INTS4: variants seen among roughly 807,000 people sequenced by gnomAD.
INTS4 encodes integrator complex subunit 4.
In INTS4, 70 loss-of-function variants were observed where a neutral mutation model predicts 119.5. The ratio of observed to expected loss-of-function variants is 0.59; its 90% CI spans 0.48 to 0.71. The LOEUF is 0.71. Ranked by LOEUF, INTS4 falls within the 30% of genes least tolerant of loss-of-function variation. The probability of loss-of-function intolerance (pLI) is 0.00; values close to 1 mark genes in which losing one functional copy is unlikely to be tolerated. For missense variants in INTS4, 867 were observed against 1,173.2 expected (o/e 0.74, Z 3.81); for synonymous variants, 316 against 419.6 (o/e 0.75, Z 3.02).
intron 7 of INTS4, among the ~76,000 whole-genome samples, chr11:77,958,396 T>C (rs1954383585): frequency 6.6e-6 from 1 of 152,236 alleles, no homozygotes. Flanking sequence ...GGTATCTTTA[T>C]CTGGCATTTG....
chr11:77,892,873 G>A (rs1488414552), intron 19 of INTS4, among the ~76,000 whole-genome samples: 1 of 152,160 alleles, frequency 6.6e-6, no homozygotes, highest in Admixed American at 6.5e-5. Flanking sequence ...GTGAGCCACC[G>A]TGCCCAGCCT....
intron 4 of INTS4, among the ~76,000 whole-genome samples, chr11:77,971,513 G>A (rs984531656): frequency 6.6e-6 from 1 of 152,006 alleles, no homozygotes; most frequent in Admixed American, 6.6e-5. Flanking sequence ...CTGGGCACAC[G>A]CCTGTAATCC....
intron 10 of INTS4, among the ~76,000 whole-genome samples, chr11:77,931,689 ATAC>A (rs1230012174): frequency 6.6e-6 from 1 of 152,194 alleles, no homozygotes; most frequent in Non-Finnish European, 1.5e-5. Flanking sequence ...ACTTCAAACT[ATAC>A]TACAAGGCTA....
intron 4 of INTS4, among the ~76,000 whole-genome samples, chr11:77,971,326 G>A (rs1048446762): frequency 2.0e-5 from 3 of 151,438 alleles, no homozygotes; most frequent in Admixed American, 6.6e-5. Flanking sequence ...TTTTATTATT[G>A]GGTTGTAAGA....
At chr11:77,927,226 T>A (rs925802705) in intron 11 of INTS4, among the ~76,000 whole-genome samples, 2 of 152,150 alleles carry the variant, frequency 1.3e-5, no homozygotes, top group Admixed American at 6.5e-5. Flanking sequence ...AGGCTATGTA[T>A]GAGGCCACCC....
chr11:77,900,680 G>A (rs1318850852), intron 18 of INTS4: 1 of 683,626 alleles, frequency 1.5e-6, no homozygotes, highest in Non-Finnish European at 2.6e-6. Context: ...TTTATTTTAT[G>A]AAATAGTAAG....
intron 15 of INTS4, among the ~76,000 whole-genome samples, chr11:77,909,855 C>T (rs139238356): frequency 0.013 from 1,940 of 152,324 alleles, 40 homozygotes; most frequent in African/African-American, 0.045. Context: ...CTCATCATCA[C>T]TGGCCATCAG....
At chr11:77,937,889 T>C (rs2372792) in intron 10 of INTS4, among the ~76,000 whole-genome samples, 6 of 150,818 alleles carry the variant, frequency 4.0e-5, no homozygotes, top group African/African-American at 1.2e-4. Flanking sequence ...TGTTGCTTGC[T>C]CAGGCTGGAG....
chr11:77,875,363 G>A (rs636041), downstream of INTS4, among the ~76,000 whole-genome samples: 60,771 of 152,018 alleles, frequency 0.4, 12,748 homozygotes, highest in African/African-American at 0.51. Context: ...GCACAAATCT[G>A]CCTGGAGACA....
intron 8 of INTS4, among the ~76,000 whole-genome samples, chr11:77,943,282 TAAGA>T (rs1953972193): frequency 6.6e-6 from 1 of 152,162 alleles, no homozygotes; most frequent in Non-Finnish European, 1.5e-5. Context: ...CAATGTCACC[TAAGA>T]ATAGGTGAAG....
chr11:77,876,946 CT>C (rs1367174563), downstream of INTS4: 21 of 702,932 alleles, frequency 3.0e-5, no homozygotes, highest in Non-Finnish European at 4.9e-5. Context: ...ATGTTTTTGT[CT>C]AGGCTCCAAC....
At chr11:77,910,715 C>T (rs1299637327) in intron 15 of INTS4, among the ~76,000 whole-genome samples, 1 of 152,010 alleles carries the variant, frequency 6.6e-6, no homozygotes. Context: ...CCTTCCTACG[C>T]CTGTGCCCTG....
intron 3 of INTS4, among the ~76,000 whole-genome samples, 200 bp downstream of exon 3, chr11:77,981,259 G>A (rs960967469): frequency 6.7e-6 from 1 of 150,350 alleles, no homozygotes; most frequent in Non-Finnish European, 1.5e-5. Flanking sequence ...TATATGGTAG[G>A]TACCTGGCCA....
chr11:77,926,215 G>A (rs534747932), intron 11 of INTS4, among the ~76,000 whole-genome samples: 1 of 152,190 alleles, frequency 6.6e-6, no homozygotes, highest in African/African-American at 2.4e-5. Flanking sequence ...ATTCCAGCTG[G>A]AAGGGTCAGC....
In INTS4 at chr11:77,883,897, C is replaced by T. The variant is rs748648093; in HGVS notation, c.2648G>A (p.Arg883Gln). The change falls in exon 22 of 23, where the codon CGG becomes CAG. Residue 883 changes from arginine (R) to glutamine (Q), a missense_variant. Around this residue, in one of 5 missense-constraint regions of INTS4, gnomAD observed 122 missense variants for 133.2 expected, o/e 0.92. Coordinates refer to ENST00000534064, the MANE Select transcript of INTS4 (RefSeq NM_033547.4). ...CCGGTGCCGCCCTGGGCCAGGATTC[C>T]GGAAGTCTGCAGGCTTGGGGTGAAT... ...QMIHPKPADFRNPGPGRHRLI... is the reference protein window; with the variant it reads ...QMIHPKPADFQNPGPGRHRLI... 23 of 1,612,990 alleles carry T rather than the reference C, an allele frequency of 1.4e-5. No homozygotes were observed. Among genetic ancestry groups the T allele is most frequent in the East Asian group, 1.1e-4 (5 of 44,848 alleles).
intron 2 of INTS4, among the ~76,000 whole-genome samples, chr11:77,989,267 C>T (rs1232111736): frequency 6.6e-6 from 1 of 152,042 alleles, no homozygotes; most frequent in Non-Finnish European, 1.5e-5. Flanking sequence ...GCAGGTGGAT[C>T]ACCCGAGGTC....
At chr11:77,985,100 T>C (rs920930159) in intron 2 of INTS4, among the ~76,000 whole-genome samples, 1 of 152,206 alleles carries the variant, frequency 6.6e-6, no homozygotes, top group Non-Finnish European at 1.5e-5. Flanking sequence ...CCTTCTCTAA[T>C]AATTGTTTCT....
chr11:77,932,498 C>T (rs1280944119), intron 10 of INTS4, among the ~76,000 whole-genome samples: 6 of 152,190 alleles, frequency 3.9e-5, no homozygotes, highest in Non-Finnish European at 8.8e-5. Context: ...AACACTTTTA[C>T]ACTGTTGGTG....
At chr11:77,991,826 T>A (rs1257246441) in intron 1 of INTS4, among the ~76,000 whole-genome samples, 1 of 152,128 alleles carries the variant, frequency 6.6e-6, no homozygotes, top group Non-Finnish European at 1.5e-5. Context: ...GGTGCAATCT[T>A]GGCTTGCTGC....
Sources: gnomAD v4.1 joint callset for allele counts (sites outside exome capture counted in the v4.1 genomes callset) on GRCh38, gnomAD v4.1.1 for gene constraint, gnomAD v4.1.1 regional missense constraint, MANE v1.5 for transcripts, NCBI Gene and HGNC (gene_info 2026-07-23, HGNC 2026-07-21) for gene names.